The following FOCAD variants were observed in gnomAD, a reference collection of about 807,000 sequenced individuals.
The protein encoded by FOCAD is KIAA1797.
Under a neutral mutation model 225.6 loss-of-function variants are expected in FOCAD, and 198 were observed. The observed-to-expected ratio is 0.88, with a 90% CI of 0.78 to 0.99. FOCAD has a LOEUF of 0.99. Ranked by LOEUF, FOCAD falls within the 50% of genes least tolerant of loss-of-function variation. The pLI is 0.00. For missense variants in FOCAD, 2,713 were observed against 2,123.6 expected, an observed-to-expected ratio of 1.28 and a Z score of -5.46; for synonymous variants, 897 against 755.0, an observed-to-expected ratio of 1.19 and a Z score of -3.08.
chr9:20,671,699 T>C (rs1822068548), intron 2 of FOCAD, among the ~76,000 whole-genome samples: 2 of 152,214 alleles, frequency 1.3e-5, no homozygotes. Context: ...GGCAAATGAT[T>C]ATGCTCCTGG....
intron 35 of FOCAD, among the ~76,000 whole-genome samples, chr9:20,958,122 A>G (rs1415760330): frequency 2.0e-5 from 3 of 152,180 alleles, no homozygotes; most frequent in African/African-American, 7.2e-5. Context: ...TGTAAAATGG[A>G]GAAAATAATT....
Position 20,929,390 on chromosome 9 carries a change from C to A in FOCAD, c.3111C>A (p.Ala1037=), listed in dbSNP as rs201236654. ...ATTCTGGTGAAAACACAGCTAGTGC[C>A]ATTGCCCGTTCTGCTGCCGCCACGG... ...KSYSGENTAS[A]IARSAAATAL... The change falls in exon 27 of 44, where the codon GCC becomes GCA. Residue 1037 remains alanine (A), a synonymous_variant. Transcript: ENST00000338382. 4.4e-5 allele frequency: 71 copies of A among 1,614,088 alleles called. No homozygotes were observed. The African/African-American group carries it at 8.7e-4, about 20-fold the overall frequency.
chr9:20,849,918 C>G (rs1827484420), intron 15 of FOCAD, among the ~76,000 whole-genome samples: 1 of 151,814 alleles, frequency 6.6e-6, no homozygotes, highest in Non-Finnish European at 1.5e-5. Flanking sequence ...GGGCATTGAA[C>G]AAAGAGACAG....
In FOCAD at chr9:20,781,925, A is replaced by G; in HGVS notation, c.1193A>G (p.Gln398Arg). 6.2e-7 allele frequency: 1 copy of G among 1,613,348 alleles called. No homozygotes were observed. Among genetic ancestry groups the G allele is most frequent in the Non-Finnish European group, 8.5e-7 (1 of 1,179,400 alleles). ...IQQECYRDDH[Q>R]KLSYKLVCPV... ...CAGGAATGTTACAGAGATGACCACC[A>G]AAAGGTAATGAATCTATCCTTGTTT... is the stretch of plus-strand genomic sequence containing the variant. Residue 398 changes from glutamine to arginine, a missense_variant, in exon 10 of 44, where the codon CAA (glutamine) becomes CGA (arginine). Physicochemically the swap from Gln to Arg is conservative, Grantham distance 43 (BLOSUM62 1). Coordinates refer to ENST00000338382, the MANE Select transcript of FOCAD (RefSeq NM_001375567.1).
chr9:20,831,538 A>G (rs1825492885), intron 15 of FOCAD, among the ~76,000 whole-genome samples: 1 of 152,124 alleles, frequency 6.6e-6, no homozygotes, highest in South Asian at 2.1e-4. Context: ...CACTAAATGT[A>G]TTTAAAATTT....
At chr9:20,825,526 C>T (rs991761544) in intron 15 of FOCAD, among the ~76,000 whole-genome samples, 3 of 151,964 alleles carry the variant, frequency 2.0e-5, no homozygotes, top group African/African-American at 7.3e-5. Flanking sequence ...TATAGAAAGA[C>T]AGCCTAATTT....
At chr9:20,989,873 G>T (rs1841495046) in intron 41 of FOCAD, among the ~76,000 whole-genome samples, 1 of 152,150 alleles carries the variant, frequency 6.6e-6, no homozygotes, top group South Asian at 2.1e-4. Context: ...TAATGAAACT[G>T]TTGGGTCTTC....
At chr9:20,746,352 G>A (rs143811379) in intron 5 of FOCAD, among the ~76,000 whole-genome samples, 2,872 of 152,262 alleles carry the variant, frequency 0.019, 39 homozygotes, top group Middle Eastern at 0.041. Context: ...GCTCTAGGGA[G>A]GGGAGGCCGG....
intron 4 of FOCAD, among the ~76,000 whole-genome samples, chr9:20,728,219 T>A (rs114758554): frequency 0.045 from 6,898 of 152,242 alleles, 224 homozygotes; most frequent in African/African-American, 0.094. Context: ...ATCCCCTGTC[T>A]GAAATGCTTG....
chr9:20,702,301 A>G (rs1290773190), intron 1 of FOCAD, among the ~76,000 whole-genome samples: 1 of 152,016 alleles, frequency 6.6e-6, no homozygotes, highest in African/African-American at 2.4e-5. Flanking sequence ...ATGGGGTATC[A>G]CTATGTTGCC....
chr9:20,694,388 A>C (rs1038312560), intron 1 of FOCAD: 1 of 152,216 alleles, frequency 6.6e-6, no homozygotes, highest in Admixed American at 6.5e-5. Flanking sequence ...TATAAAGTCA[A>C]TCTGAACCAT....
chr9:20,717,808 T>G lies in FOCAD; in HGVS notation c.72T>G (p.Leu24=), dbSNP rs200586434. 1.2e-6 allele frequency: 2 copies of G among 1,612,192 alleles called. No individual in the cohort carries two copies. The highest frequency in any genetic ancestry group is 2.7e-5 in the African/African-American group (2 of 75,002). ...TTCTTTTTAAGGCTGTGGGTCATCT[T>G]ATTGCTGCAGTCCTAAAGGAAAATG... ...SLIQSQAVGH[L]IAAVLKENGF... The change falls in exon 3 of 44, where the codon CTT becomes CTG. Residue 24 remains leucine (L), a synonymous_variant. Coordinates refer to ENST00000338382, the MANE Select transcript of FOCAD (RefSeq NM_001375567.1).
At chr9:20,769,012 C>G (rs1402703673) in intron 7 of FOCAD, among the ~76,000 whole-genome samples, 2 of 152,128 alleles carry the variant, frequency 1.3e-5, no homozygotes, top group East Asian at 1.9e-4. Context: ...TAAATGCACT[C>G]AAGGAAATAT....
At chr9:20,762,512 T>G (rs1829693027) in intron 6 of FOCAD, among the ~76,000 whole-genome samples, 1 of 152,184 alleles carries the variant, frequency 6.6e-6, no homozygotes, top group South Asian at 2.1e-4. Flanking sequence ...ATCAGTAAAT[T>G]TTACCAAGTG....
chr9:20,680,969 G>T (rs1208484386), upstream of FOCAD, among the ~76,000 whole-genome samples: 1 of 152,092 alleles, frequency 6.6e-6, no homozygotes, highest in African/African-American at 2.4e-5. Flanking sequence ...CTGTACCCCA[G>T]CTTGTGTGAC....
intron 11 of FOCAD, among the ~76,000 whole-genome samples, chr9:20,794,328 A>G (rs1445963030): frequency 1.3e-5 from 2 of 152,232 alleles, no homozygotes; most frequent in East Asian, 1.9e-4. Flanking sequence ...GATTTGAGAA[A>G]TTAAAAATGT....
intron 7 of FOCAD, among the ~76,000 whole-genome samples, chr9:20,766,040 CTTTTG>C (rs1253103239): frequency 6.6e-6 from 1 of 152,126 alleles, no homozygotes; most frequent in Admixed American, 6.6e-5. Context: ...TTTTCCAAAG[CTTTTG>C]TTTTGTGTGG....
intron 5 of FOCAD, among the ~76,000 whole-genome samples, chr9:20,751,874 A>T: frequency 7.0e-6 from 1 of 143,214 alleles, no homozygotes; most frequent in African/African-American, 2.5e-5. Flanking sequence ...ATGGTATCTC[A>T]TTGTGGTTTT....
chr9:20,930,126 C>T (rs541178038), intron 27 of FOCAD, among the ~76,000 whole-genome samples: 1 of 152,102 alleles, frequency 6.6e-6, no homozygotes, highest in Non-Finnish European at 1.5e-5. Context: ...CTTAAAGAGT[C>T]TTAATCTGTG....
Sources: gnomAD v4.1 joint callset for allele counts (sites outside exome capture counted in the v4.1 genomes callset) on GRCh38, gnomAD v4.1.1 for gene constraint, MANE v1.5 for transcripts, NCBI Gene and HGNC (gene_info 2026-07-23, HGNC 2026-07-21) for gene names.